Variants in RAB38 observed in about 807,000 individuals in gnomAD.
RAB38 encodes RAB38, member RAS oncogene family, also known as ras-related protein Rab-38.
RAB38 carries 15 observed loss-of-function variants against 18.4 expected under a neutral mutation model. That is an observed-to-expected ratio of 0.82 (90% CI 0.55 to 1.26). The LOEUF (loss-of-function observed/expected upper bound fraction) is 1.26, where lower values mean the gene tolerates loss of function less well. RAB38 is among the 50% of genes most tolerant of loss of function. The probability of loss-of-function intolerance (pLI) is 0.00; values close to 1 mark genes in which losing one functional copy is unlikely to be tolerated. For missense variants in RAB38, 294 were observed against 267.4 expected (o/e 1.10, Z -0.69); for synonymous variants, 101 against 104.4 (o/e 0.97, Z 0.20).
At chr11:87,947,911 T>C in the RAB38 span, among the ~76,000 whole-genome samples, 1 of 152,200 alleles carries the variant, frequency 6.6e-6, no homozygotes, top group African/African-American at 2.4e-5. Flanking sequence ...TCTAAAGTAG[T>C]TGTTTTCCAA....
the RAB38 span, among the ~76,000 whole-genome samples, chr11:88,025,021 T>C: frequency 6.6e-6 from 1 of 152,032 alleles, no homozygotes; most frequent in Non-Finnish European, 1.5e-5. Context: ...AGAGTATAAA[T>C]GGATTGTTTA....
chr11:87,803,890 G>C, the RAB38 span, among the ~76,000 whole-genome samples: 1 of 152,226 alleles, frequency 6.6e-6, no homozygotes, highest in Non-Finnish European at 1.5e-5. Context: ...CAAGGCCTGA[G>C]AATAACTTTC....
chr11:88,033,307 G>A, the RAB38 span, among the ~76,000 whole-genome samples: 3 of 151,564 alleles, frequency 2.0e-5, no homozygotes, highest in Non-Finnish European at 2.9e-5. Context: ...CAGCACACCA[G>A]CATGGCACAT....
At chr11:88,107,669 T>C in the RAB38 span, among the ~76,000 whole-genome samples, 2 of 152,120 alleles carry the variant, frequency 1.3e-5, no homozygotes, top group Non-Finnish European at 2.9e-5. Context: ...AGCTTTTGAA[T>C]TTGTTTGTTG....
chr11:87,942,894 A>G, the RAB38 span, among the ~76,000 whole-genome samples: 1,984 of 152,248 alleles, frequency 0.013, 17 homozygotes, highest in Non-Finnish European at 0.021. Context: ...CTAACTCTGT[A>G]ATTTTGTAAA....
chr11:87,893,371 C>CATATATATATATGTGTAT, the RAB38 span, among the ~76,000 whole-genome samples: 2 of 86,446 alleles, frequency 2.3e-5, no homozygotes, highest in African/African-American at 8.5e-5. Context: ...ATATATTTTA[C>CATATATATATATGTGTAT]ATATATATAT....
the RAB38 span, among the ~76,000 whole-genome samples, chr11:87,977,341 AATTATAT>A: frequency 2.5e-5 from 3 of 121,302 alleles, 1 homozygote; most frequent in African/African-American, 3.2e-5. Context: ...TATATTATAA[AATTATAT>A]ATTATATAAG....
At chr11:87,929,831 T>C in the RAB38 span, among the ~76,000 whole-genome samples, 1 of 151,756 alleles carries the variant, frequency 6.6e-6, no homozygotes, top group South Asian at 2.1e-4. Context: ...TTTTTGTCCT[T>C]GCGATAGTTT....
At chr11:87,875,979 G>A in the RAB38 span, among the ~76,000 whole-genome samples, 1 of 151,416 alleles carries the variant, frequency 6.6e-6, no homozygotes, top group African/African-American at 2.4e-5. Context: ...TTTTGCCAAG[G>A]TCTTCAATAC....
the RAB38 span, among the ~76,000 whole-genome samples, chr11:87,828,182 T>G: frequency 1.1e-4 from 16 of 152,332 alleles, 1 homozygote; most frequent in African/African-American, 3.6e-4. Flanking sequence ...AACCATTGAC[T>G]TCAATGTTAT....
At chr11:87,970,754 G>A in the RAB38 span, among the ~76,000 whole-genome samples, 1 of 152,118 alleles carries the variant, frequency 6.6e-6, no homozygotes, top group African/African-American at 2.4e-5. Context: ...TAATTAAGCT[G>A]GGACTTGCAG....
At chr11:88,011,253 A>G in the RAB38 span, among the ~76,000 whole-genome samples, 1 of 152,236 alleles carries the variant, frequency 6.6e-6, no homozygotes, top group Non-Finnish European at 1.5e-5. Context: ...CTATTTATTG[A>G]GCACTAATTA....
the RAB38 span, among the ~76,000 whole-genome samples, chr11:87,914,138 T>A: frequency 6.6e-6 from 1 of 151,942 alleles, no homozygotes; most frequent in East Asian, 1.9e-4. Context: ...AGGCTCTGTT[T>A]CCATGAACAG....
At chr11:87,879,922 A>G in the RAB38 span, 2 of 151,880 alleles carry the variant, frequency 1.3e-5, no homozygotes, top group Admixed American at 6.6e-5. Context: ...TAGATCTCCT[A>G]TAATATGCTG....
At chr11:87,936,509 C>A in the RAB38 span, among the ~76,000 whole-genome samples, 5 of 152,020 alleles carry the variant, frequency 3.3e-5, no homozygotes, top group South Asian at 2.1e-4. Context: ...ATGTGCCTAC[C>A]CCTCCAGCCC....
the RAB38 span, among the ~76,000 whole-genome samples, chr11:88,094,856 TAGA>T: frequency 6.6e-6 from 1 of 151,978 alleles, no homozygotes; most frequent in Non-Finnish European, 1.5e-5. Flanking sequence ...CCTACTTTCT[TAGA>T]AGATTATTTC....
chr11:87,833,678 G>C, the RAB38 span, among the ~76,000 whole-genome samples: 1 of 152,210 alleles, frequency 6.6e-6, no homozygotes, highest in Non-Finnish European at 1.5e-5. Context: ...CTGAAGTACA[G>C]AGTTGTTAAA....
the RAB38 span, among the ~76,000 whole-genome samples, chr11:87,868,446 T>C: frequency 1.3e-5 from 2 of 151,518 alleles, no homozygotes; most frequent in Non-Finnish European, 3.0e-5. Flanking sequence ...TTCTTTTCTT[T>C]ATGAATTACC....
the RAB38 span, among the ~76,000 whole-genome samples, chr11:87,869,679 G>A: frequency 1.3e-5 from 2 of 151,602 alleles, no homozygotes; most frequent in African/African-American, 2.4e-5. Context: ...TCTTTCAAGA[G>A]TATCCCAATA....
Sources: allele counts gnomAD v4.1 joint callset (sites outside exome capture counted in the v4.1 genomes callset), GRCh38; gene constraint gnomAD v4.1.1; transcripts MANE v1.5; gene names NCBI Gene and HGNC (gene_info 2026-07-23, HGNC 2026-07-21).